The following FAM184A variants were observed in gnomAD, a reference collection of about 807,000 sequenced individuals.
FAM184A encodes the protein family with sequence similarity 184 member A, also known as protein FAM184A.
Under a neutral mutation model 143.8 loss-of-function variants are expected in FAM184A, and 99 were observed. That is an observed-to-expected ratio of 0.69 (90% CI 0.58 to 0.81). FAM184A has a LOEUF of 0.81. Ranked by LOEUF, FAM184A falls within the 40% of genes least tolerant of loss-of-function variation. FAM184A has a pLI of 0.00. For missense variants in FAM184A, 1,217 were observed against 1,310.5 expected, an observed-to-expected ratio of 0.93 and a Z score of 1.10; for synonymous variants, 427 against 446.4, an observed-to-expected ratio of 0.96 and a Z score of 0.55.
chr6:118,994,535 A>G (rs1029012643), intron 9 of FAM184A, among the ~76,000 whole-genome samples: 2 of 151,536 alleles, frequency 1.3e-5, no homozygotes. Context: ...AAATACAAAA[A>G]ATCAGCTGGG....
chr6:119,079,325 C>CA (rs1455230613), upstream of FAM184A: 1 of 152,036 alleles, frequency 6.6e-6, no homozygotes, highest in Non-Finnish European at 1.5e-5. Context: ...CGGTGGAGCC[C>CA]AAGACAAATA....
intron 1 of FAM184A, among the ~76,000 whole-genome samples, chr6:119,137,902 G>A (rs1258535016): frequency 6.6e-6 from 1 of 152,174 alleles, no homozygotes; most frequent in Admixed American, 6.5e-5. Context: ...TTCCTCTTCT[G>A]TCTTGCAGAT....
At chr6:118,991,567 C>A (rs1784376883) in intron 9 of FAM184A, among the ~76,000 whole-genome samples, 1 of 151,656 alleles carries the variant, frequency 6.6e-6, no homozygotes, top group Non-Finnish European at 1.5e-5. Flanking sequence ...GCACAAAGCC[C>A]CTGAAGGTGA....
At chr6:119,144,525 T>C (rs1322431491) in intron 1 of FAM184A, among the ~76,000 whole-genome samples, 1 of 152,108 alleles carries the variant, frequency 6.6e-6, no homozygotes, top group African/African-American at 2.4e-5. Context: ...GCTGTTAGAG[T>C]CAGCGTGGCT....
In FAM184A at chr6:118,961,748, AGACGGGTCTC is replaced by A; in HGVS notation, c.3341+3_3341+12del. The A allele has an allele frequency of 1.2e-6, 2 of 1,607,772 alleles. No homozygotes were observed. Among genetic ancestry groups the A allele is most frequent in the East Asian group, 4.5e-5 (2 of 44,832 alleles). ...AAAAGAAAAGAAAAAAACATTGGTG[AGACGGGTCTC>A]ACCTCAAAAATGTCTTGGGCCCTTT... is the stretch of plus-strand genomic sequence containing the variant. On this transcript the variant is annotated splice_donor_5th_base_variant and intron_variant, in intron 17 of 17. Coordinates refer to ENST00000338891, the MANE Select transcript of FAM184A (RefSeq NM_024581.6).
At position 119,122,803 on chromosome 6, in the gene FAM184A, G is replaced by A. The variant is rs147222308; in HGVS notation, c.-202+26275C>T. ...TGGGCATGGTAGCATGCATCTACTC[G>A]GGTCCCAGCTACTCGGGAGGCTGAG... On this transcript the variant is annotated intron_variant, in intron 1 of 16. Coordinates refer to the FAM184A transcript ENST00000352896. Among the ~76,000 whole-genome samples, 662 of 151,286 alleles carry A rather than the reference G, an allele frequency of 4.4e-3. 2 individuals are homozygous for A. The highest frequency in any genetic ancestry group is 0.015 in the African/African-American group (627 of 41,244).
At chr6:119,054,991 T>C (rs1158013101) in intron 1 of FAM184A, among the ~76,000 whole-genome samples, 1 of 152,014 alleles carries the variant, frequency 6.6e-6, no homozygotes, top group African/African-American at 2.4e-5. Context: ...ACTACCAAAT[T>C]CCATAATATT....
intron 4 of FAM184A, among the ~76,000 whole-genome samples, chr6:119,017,546 A>C (rs115688299): frequency 0.014 from 2,111 of 152,236 alleles, 46 homozygotes; most frequent in African/African-American, 0.048. Context: ...AAAATAGTAC[A>C]CAAAATGGCT....
At position 119,003,568 on chromosome 6, in the gene FAM184A, C is replaced by T; in HGVS notation, c.1870G>A (p.Glu624Lys). The change falls in exon 8 of 18, where the codon GAA becomes AAA. Residue 624 changes from glutamate to lysine, a missense_variant. Glu to Lys is a moderately conservative substitution (Grantham distance 56). Transcript: ENST00000338891. ...QHEETIAAMK[E>K]EEKLKVDKMA... is the part of the protein sequence containing the mutation. ...TTGTCCACTTTGAGCTTCTCTTCTT[C>T]TTTCATGGCAGCAATTGTTTCTTCA... The T allele has an allele frequency of 6.2e-7, 1 of 1,612,850 alleles. No individual in the cohort carries two copies. Among genetic ancestry groups the T allele is most frequent in the Non-Finnish European group, 8.5e-7 (1 of 1,179,358 alleles).
intron 1 of FAM184A, among the ~76,000 whole-genome samples, chr6:119,055,590 T>C (rs1345770211): frequency 6.6e-6 from 1 of 152,222 alleles, no homozygotes; most frequent in East Asian, 1.9e-4. Flanking sequence ...TCCTAGTGTG[T>C]GTGAAGTGGT....
intron 1 of FAM184A, among the ~76,000 whole-genome samples, chr6:119,104,114 G>A (rs1788716251): frequency 6.6e-6 from 1 of 151,786 alleles, no homozygotes; most frequent in African/African-American, 2.4e-5. Context: ...AGGGCTCACT[G>A]CAGCCTCAAC....
chr6:119,107,792 A>AAAAGAAAG (rs71015019), intron 1 of FAM184A, among the ~76,000 whole-genome samples: 43 of 136,486 alleles, frequency 3.2e-4, no homozygotes, highest in African/African-American at 1.0e-3. Context: ...AAAAAAAAAA[A>AAAAGAAAG]AAAGAAAGAA....
chr6:119,052,465 A>G (rs1786802187), intron 1 of FAM184A, among the ~76,000 whole-genome samples: 1 of 152,220 alleles, frequency 6.6e-6, no homozygotes, highest in African/African-American at 2.4e-5. Context: ...CCATTGTAGT[A>G]GTCTCCTAAC....
chr6:119,005,171 C>G (rs144982613), intron 7 of FAM184A: 9 of 151,948 alleles, frequency 5.9e-5, no homozygotes, highest in Non-Finnish European at 1.3e-4. Context: ...TTTGGCATCA[C>G]AGAAACTAAA....
intron 15 of FAM184A, 76 bp from the exon 16 acceptor site, chr6:118,964,847 T>C (rs530694270): frequency 9.6e-6 from 7 of 732,766 alleles, no homozygotes; most frequent in African/African-American, 1.8e-5. Context: ...ATAAACGCCA[T>C]TTCATTTAAA....
At chr6:119,129,097 T>C (rs1455787417) in intron 1 of FAM184A, among the ~76,000 whole-genome samples, 2 of 152,218 alleles carry the variant, frequency 1.3e-5, no homozygotes, top group Non-Finnish European at 2.9e-5. Context: ...TCTTTGAATC[T>C]ACCTATAACC....
At chr6:119,010,496 T>C (rs1785056119) in intron 6 of FAM184A, among the ~76,000 whole-genome samples, 1 of 152,184 alleles carries the variant, frequency 6.6e-6, no homozygotes. Context: ...TTTTCCTGCT[T>C]ATTTTTAGCT....
chr6:119,043,725 G>A (rs1786426892), intron 1 of FAM184A, among the ~76,000 whole-genome samples: 1 of 152,216 alleles, frequency 6.6e-6, no homozygotes, highest in Non-Finnish European at 1.5e-5. Context: ...GAATGGGCAG[G>A]AAGCCATTGG....
chr6:119,130,599 A>G (rs1789509779), intron 1 of FAM184A, among the ~76,000 whole-genome samples: 1 of 152,236 alleles, frequency 6.6e-6, no homozygotes, highest in South Asian at 2.1e-4. Context: ...ATATAAAAAA[A>G]TTAGCAATCT....
Sources: allele counts gnomAD v4.1 joint callset (sites outside exome capture counted in the v4.1 genomes callset), GRCh38; gene constraint gnomAD v4.1.1; transcripts MANE v1.5; gene names NCBI Gene and HGNC (gene_info 2026-07-23, HGNC 2026-07-21).